SPTBN1: variants seen among roughly 807,000 people sequenced by gnomAD.
The protein encoded by SPTBN1 is spectrin beta chain, non-erythrocytic 1.
Under a neutral mutation model 266.4 loss-of-function variants are expected in SPTBN1, and 32 were observed. The observed-to-expected ratio is 0.12, with a 90% CI of 0.09 to 0.16. The LOEUF (loss-of-function observed/expected upper bound fraction) is 0.16, where lower values mean the gene tolerates loss of function less well. Ranked by LOEUF, SPTBN1 falls within the 10% of genes least tolerant of loss-of-function variation. The probability of loss-of-function intolerance (pLI) is 1.00; values close to 1 mark genes in which losing one functional copy is unlikely to be tolerated. For missense variants in SPTBN1, 2,296 were observed against 3,067.1 expected, an observed-to-expected ratio of 0.75 and a Z score of 5.94; for synonymous variants, 1,336 against 1,162.2, an observed-to-expected ratio of 1.15 and a Z score of -3.04.
At chr2:54,560,529 G>C (rs1464683198) in intron 2 of SPTBN1, among the ~76,000 whole-genome samples, 2 of 152,086 alleles carry the variant, frequency 1.3e-5, no homozygotes, top group East Asian at 3.8e-4. Context: ...TGTCTTAACT[G>C]TCCTCTCTGG....
At chr2:54,590,384 T>A (rs1426731148) in intron 2 of SPTBN1, among the ~76,000 whole-genome samples, 1 of 152,248 alleles carries the variant, frequency 6.6e-6, no homozygotes, top group African/African-American at 2.4e-5. Context: ...AGAACCTAGT[T>A]GTTGGACACT....
Position 54,533,924 on chromosome 2 carries a change from A to ACG in SPTBN1, c.148+7359_148+7360insGC, listed in dbSNP as rs1558814508. 2.9e-5 allele frequency among the ~76,000 whole-genome samples: 3 copies of ACG among 104,850 alleles called. No individual in the cohort carries two copies. The highest frequency in any genetic ancestry group is 9.6e-5 in the African/African-American group (3 of 31,312). The allele number at this position is 104,850 out of a possible 152,430, so 68.8% of individuals were successfully genotyped here. On this transcript the variant is annotated intron_variant, in intron 2 of 35. Transcript: ENST00000356805. The surrounding 1 kb of genome is among the most constrained non-coding windows in gnomAD (Gnocchi z 4.2). Reference sequence around the variant, plus strand: ...CTCACACACACACACACACACACACACACGCACGCACGCACACAAACACAC... The same window carrying ACG: ...CTCACACACACACACACACACACACACGCACGCACGCACGCACACAAACACAC...
chr2:54,668,422 C>T lies in SPTBN1; in HGVS notation c.6948C>T (p.Ser2316=), dbSNP rs1226435331. Residue 2316 remains serine, a synonymous_variant, in exon 36 of 36, where the codon AGC becomes AGT. Coordinates refer to ENST00000356805, the MANE Select transcript of SPTBN1 (RefSeq NM_003128.3). ...ISSDKHEVSA[S]TQSTPASSRA... is the part of the protein sequence containing the mutation. Reference sequence around the variant, plus strand: ...CTGATAAACACGAGGTGTCTGCCAGCACCCAGAGCACGCCAGCATCCAGCC... The same window carrying T: ...CTGATAAACACGAGGTGTCTGCCAGTACCCAGAGCACGCCAGCATCCAGCC... 6.2e-7 allele frequency: 1 copy of T among 1,614,092 alleles called. No homozygotes were observed. The highest frequency in any genetic ancestry group is 8.5e-7 in the Non-Finnish European group (1 of 1,180,058).
At chr2:54,548,824 A>G (rs1343939680) in intron 2 of SPTBN1, among the ~76,000 whole-genome samples, 1 of 152,196 alleles carries the variant, frequency 6.6e-6, no homozygotes, top group Non-Finnish European at 1.5e-5. Context: ...CTGACTGTGA[A>G]AGATTAAGGT....
intron 2 of SPTBN1, among the ~76,000 whole-genome samples, chr2:54,532,113 C>T (rs370367042): frequency 5.4e-4 from 82 of 152,230 alleles, no homozygotes; most frequent in African/African-American, 1.9e-3. Flanking sequence ...CGTAGCGAAA[C>T]CCCATCTCTG....
intron 34 of SPTBN1, 30 bp downstream of exon 34, chr2:54,666,118 G>C (rs755780058): frequency 1.9e-6 from 3 of 1,588,992 alleles, no homozygotes; most frequent in Non-Finnish European, 2.6e-6. Context: ...ATGGCTGCCA[G>C]AGTGGGTTTG....
At chr2:54,542,864 T>G (rs2104402288) in intron 2 of SPTBN1, among the ~76,000 whole-genome samples, 1 of 152,364 alleles carries the variant, frequency 6.6e-6, no homozygotes, top group South Asian at 2.1e-4. Context: ...TTGGGATAGA[T>G]GAGGGTCGTG....
At chr2:54,577,145 G>A (rs533378693) in intron 2 of SPTBN1, among the ~76,000 whole-genome samples, 43 of 152,234 alleles carry the variant, frequency 2.8e-4, no homozygotes, top group African/African-American at 9.6e-4. Flanking sequence ...GCTAATCTTG[G>A]CACAGGTCCC....
At chr2:54,532,037 C>T (rs1200275182) in intron 2 of SPTBN1, among the ~76,000 whole-genome samples, 2 of 152,174 alleles carry the variant, frequency 1.3e-5, no homozygotes, top group African/African-American at 4.8e-5. Context: ...CGTTTGTAAT[C>T]TCAACACTTT....
intron 2 of SPTBN1, among the ~76,000 whole-genome samples, chr2:54,564,721 C>T (rs1377711075): frequency 6.6e-6 from 1 of 152,230 alleles, no homozygotes; most frequent in Admixed American, 6.5e-5. Flanking sequence ...TTATTCTAGG[C>T]ATTCCAGGAG....
rs1679991192 is a variant in SPTBN1 at position 54,647,354 on chromosome 2, C to T, written c.4997+93C>T. On this transcript the variant is annotated intron_variant, in intron 24 of 35. Coordinates refer to ENST00000356805, the MANE Select transcript of SPTBN1 (RefSeq NM_003128.3). ...CCCACCAAAAGAAAATGTCAGCATT[C>T]ATCATGACTTGCTGGTAAGGCAAAT... The T allele has an allele frequency of 2.0e-6, 3 of 1,517,946 alleles. No homozygotes were observed. The East Asian group carries it at 6.8e-5, about 35-fold the overall frequency. 94.0% of individuals were successfully genotyped at this position (1,517,946 alleles called of 1,614,324 possible). A position where few individuals can be genotyped will look rare whatever the true frequency, so the allele number is the denominator to read the frequency against.
chr2:54,640,088 T>C (rs554508279), intron 18 of SPTBN1, among the ~76,000 whole-genome samples: 6 of 152,290 alleles, frequency 3.9e-5, no homozygotes, highest in Admixed American at 2.0e-4. Context: ...CTTGGTATAG[T>C]ACTATAATCA....
In SPTBN1 at chr2:54,644,527, C is replaced by A. The variant is rs749980427; in HGVS notation, c.4210C>A (p.Gln1404Lys). 2 of 1,614,108 alleles carry A rather than the reference C, an allele frequency of 1.2e-6. No individual in the cohort carries two copies. Residue 1404 changes from glutamine (Q) to lysine (K), a missense_variant, in exon 20 of 36, where the codon CAG becomes AAG. Physicochemically the swap from Gln to Lys is moderately conservative, Grantham distance 53 (BLOSUM62 1). Coordinates refer to ENST00000356805, the MANE Select transcript of SPTBN1 (RefSeq NM_003128.3). ...KWLHGLESQI[Q>K]SDDYGKDLTS... ...GCTGCACGGCCTGGAGAGTCAGATT[C>A]AGTCTGATGACTATGGCAAAGACCT...
chr2:54,558,928 A>G lies in SPTBN1; in HGVS notation c.148+32362A>G, dbSNP rs116224280. On this transcript the variant is annotated intron_variant, in intron 2 of 35. Coordinates refer to ENST00000356805, the MANE Select transcript of SPTBN1 (RefSeq NM_003128.3). This position sits in a 1 kb window ranked among gnomAD's most constrained non-coding sequence, Gnocchi z 4.6. ...AAGGCCGGGCCTGTCCTGGGTGCCA[A>G]CGGGGGTTCTTGGAGGCTTTATTTG... is the stretch of plus-strand genomic sequence containing the variant. 46 of 1,595,804 alleles carry G rather than the reference A, an allele frequency of 2.9e-5. No individual in the cohort carries two copies. Among genetic ancestry groups the G allele is most frequent in the South Asian group, 7.8e-5 (7 of 89,552 alleles).
intron 29 of SPTBN1, among the ~76,000 whole-genome samples, chr2:54,656,470 A>G (rs1258385173): frequency 1.3e-5 from 2 of 152,206 alleles, no homozygotes; most frequent in Non-Finnish European, 2.9e-5. Flanking sequence ...TTATTCCCCA[A>G]AGTGACCCTG....
rs749985565 is a variant in SPTBN1 at position 54,632,584 on chromosome 2, A to C, written c.3583A>C (p.Thr1195Pro). The stretch of plus-strand genomic sequence containing the variant: ...AAATAAGGAGTATGTTCTGGCTCAC[A>C]CTGAAATGCCTACCACCTTGGAAGG... ...LNNQEYVLAH[T>P]EMPTTLEGAE... The change falls in exon 17 of 36, where the codon ACT (threonine) becomes CCT (proline). Residue 1195 changes from threonine to proline, a missense_variant. Physicochemically the swap from Thr to Pro is conservative, Grantham distance 38 (BLOSUM62 -1). This residue lies in a region of SPTBN1 where 386 missense variants were observed against 486.1 expected (regional missense o/e 0.79). Coordinates refer to ENST00000356805, the MANE Select transcript of SPTBN1 (RefSeq NM_003128.3). 2 of 1,614,266 alleles carry C rather than the reference A, an allele frequency of 1.2e-6. No individual in the cohort carries two copies. The highest frequency in any genetic ancestry group is 2.2e-5 in the South Asian group (2 of 91,088).
intron 1 of SPTBN1, among the ~76,000 whole-genome samples, chr2:54,503,704 G>C (rs72915040): frequency 0.035 from 5,326 of 152,184 alleles, 332 homozygotes; most frequent in African/African-American, 0.12. Context: ...TATACCCATT[G>C]CCAAAAAGCA....
intron 2 of SPTBN1, among the ~76,000 whole-genome samples, chr2:54,560,120 A>T (rs1573413704): frequency 6.8e-6 from 1 of 147,234 alleles, no homozygotes; most frequent in East Asian, 2.0e-4. Flanking sequence ...GCTCTTCGGC[A>T]GTCAAATTTG....
At chr2:54,525,532 C>T (rs1164411234) in intron 1 of SPTBN1, among the ~76,000 whole-genome samples, 3 of 152,140 alleles carry the variant, frequency 2.0e-5, no homozygotes, top group African/African-American at 7.2e-5. Flanking sequence ...CTGTGCCTGG[C>T]CTTACATCTT....
Sources: gnomAD v4.1 joint callset for allele counts (sites outside exome capture counted in the v4.1 genomes callset) on GRCh38, gnomAD v4.1.1 for gene constraint, gnomAD v4.1.1 regional missense constraint, Gnocchi (gnomAD v3.1) non-coding constraint, MANE v1.5 for transcripts, NCBI Gene and HGNC (gene_info 2026-07-23, HGNC 2026-07-21) for gene names.